RILPL1: variants seen among roughly 807,000 people sequenced by gnomAD.
RILPL1 encodes Rab interacting lysosomal protein like 1, also known as RILP-like protein 1.
In RILPL1, 33 loss-of-function variants were observed where a neutral mutation model predicts 50.3. The ratio of observed to expected loss-of-function variants is 0.66; its 90% CI spans 0.50 to 0.88. The LOEUF (loss-of-function observed/expected upper bound fraction) is 0.88. RILPL1 is among the 40% of genes least tolerant of loss of function. The probability of loss-of-function intolerance (pLI) is 0.00; values close to 1 mark genes in which losing one functional copy is unlikely to be tolerated. For missense variants in RILPL1, 418 were observed against 542.5 expected (o/e 0.77, Z 2.28); for synonymous variants, 205 against 228.6 (o/e 0.90, Z 0.93).
chr12:123,499,303 G>A (rs889389784), intron 3 of RILPL1, 115 bp downstream of exon 3: 9 of 708,722 alleles, frequency 1.3e-5, no homozygotes, highest in African/African-American at 8.8e-5. Context: ...CACACCCCAC[G>A]GAGCCCCAAG....
intron 1 of RILPL1, 135 bp from the exon 2 acceptor site, chr12:123,523,780 G>GC: frequency 2.1e-6 from 2 of 944,418 alleles, no homozygotes; most frequent in Non-Finnish European, 3.1e-6. Flanking sequence ...GGCCGGCAAG[G>GC]CCACCACGAG....
In RILPL1 at chr12:123,485,211, C is replaced by T; in HGVS notation, c.974+422G>A. On this transcript the variant is annotated intron_variant, in intron 5 of 6. Transcript: ENST00000376874. The surrounding 1 kb of genome is among the most constrained non-coding windows in gnomAD (Gnocchi z 4.0). ...CTTCTGGTCTCATGTTGCTTGTGGT[C>T]TCATGTGGAAACCTACAATAAAGCA... 2.2e-6 allele frequency: 1 copy of T among 457,540 alleles called. No homozygotes were observed. Among genetic ancestry groups the T allele is most frequent in the Non-Finnish European group, 4.4e-6 (1 of 228,038 alleles). 28.3% of individuals were successfully genotyped at this position (457,540 alleles called of 1,614,324 possible). A position where few individuals can be genotyped will look rare whatever the true frequency, so the allele number is the denominator to read the frequency against.
chr12:123,507,564 CA>C (rs34340975), intron 2 of RILPL1, among the ~76,000 whole-genome samples: 25,123 of 134,424 alleles, frequency 0.19, 2,208 homozygotes, highest in Middle Eastern at 0.26. Flanking sequence ...GATACTGTCT[CA>C]AAAAAAAAAA....
chr12:123,503,862 A>G lies in RILPL1; in HGVS notation c.461-4326T>C, dbSNP rs374169867. Among the ~76,000 whole-genome samples, 251 of 151,594 alleles carry G rather than the reference A, an allele frequency of 1.7e-3. 1 individual carries two copies. The highest frequency in any genetic ancestry group is 5.5e-3 in the African/African-American group (229 of 41,410). Reference sequence around the variant, plus strand: ...TAAAAATACAAAAAATTAGCCAGGCATGGTGGTGCACGCCTGTAATCCCAG... The same window carrying G: ...TAAAAATACAAAAAATTAGCCAGGCGTGGTGGTGCACGCCTGTAATCCCAG... On this transcript the variant is annotated intron_variant, in intron 2 of 6. Coordinates refer to ENST00000376874, the MANE Select transcript of RILPL1 (RefSeq NM_178314.5).
At position 123,521,728 on chromosome 12, in the gene RILPL1, T is replaced by C. The variant is rs1375703005; in HGVS notation, c.460+1767A>G. ...ATATATAAATATATATATACACACA[T>C]ATATGTATATATATAAAAATATATA... On this transcript the variant is annotated intron_variant, in intron 2 of 6. Transcript: ENST00000376874. Among the ~76,000 whole-genome samples the C allele has an allele frequency of 7.5e-5, 10 of 132,972 alleles. 1 individual carries two copies. Among genetic ancestry groups the C allele is most frequent in the East Asian group, 2.2e-4 (1 of 4,632 alleles). The allele number at this position is 132,972 out of a possible 152,430, so 87.2% of individuals were successfully genotyped here. A position where few individuals can be genotyped will look rare whatever the true frequency, so the allele number is the denominator to read the frequency against.
At chr12:123,531,154 A>C (rs1885432081) in intron 1 of RILPL1, among the ~76,000 whole-genome samples, 1 of 151,652 alleles carries the variant, frequency 6.6e-6, no homozygotes, top group African/African-American at 2.4e-5. Context: ...TCTCCATCCC[A>C]AGAATGTGAA....
intron 1 of RILPL1, among the ~76,000 whole-genome samples, chr12:123,525,983 A>G (rs1307381043): frequency 1.3e-5 from 2 of 152,186 alleles, no homozygotes; most frequent in East Asian, 3.9e-4. Flanking sequence ...GCTAGCTCAC[A>G]AAGCAGGGTT....
chr12:123,524,147 C>T (rs1426926549), intron 1 of RILPL1, among the ~76,000 whole-genome samples: 1 of 152,246 alleles, frequency 6.6e-6, no homozygotes, highest in Non-Finnish European at 1.5e-5. Context: ...TCTTCAACCA[C>T]TGACTCGATC....
intron 1 of RILPL1, among the ~76,000 whole-genome samples, chr12:123,532,531 G>A (rs1885469127): frequency 6.6e-6 from 1 of 152,166 alleles, no homozygotes; most frequent in Non-Finnish European, 1.5e-5. Context: ...AATGAAGATA[G>A]TCTCTATAGA....
intron 2 of RILPL1, chr12:123,515,444 T>G (rs1051248268): frequency 2.1e-5 from 3 of 145,738 alleles, no homozygotes; most frequent in African/African-American, 7.5e-5. Flanking sequence ...TACTACAGTG[T>G]TTTTTTTTTG....
intron 1 of RILPL1, among the ~76,000 whole-genome samples, chr12:123,528,358 CAA>C (rs35456386): frequency 2.3e-5 from 3 of 130,312 alleles, no homozygotes; most frequent in African/African-American, 2.9e-5. Flanking sequence ...GATGCTGTCT[CAA>C]AAAAAAAAAA....
intron 2 of RILPL1, among the ~76,000 whole-genome samples, chr12:123,511,806 G>A (rs1269532676): frequency 7.5e-6 from 1 of 132,638 alleles, no homozygotes; most frequent in Non-Finnish European, 1.6e-5. Context: ...TGTGTGTGGT[G>A]TGTGAGGTCT....
At chr12:123,530,945 T>C (rs752609654) in intron 1 of RILPL1, among the ~76,000 whole-genome samples, 2 of 151,736 alleles carry the variant, frequency 1.3e-5, no homozygotes, top group African/African-American at 2.4e-5. Flanking sequence ...GGGAAGAAAG[T>C]GTATGTCCTT....
chr12:123,473,481 C>T (rs1473377181), intron 6 of RILPL1: 1 of 152,152 alleles, frequency 6.6e-6, no homozygotes, highest in Non-Finnish European at 1.5e-5. Context: ...CGCCACTGCA[C>T]TCCAGCCTGG....
chr12:123,523,457 T>C (rs1460959742), intron 2 of RILPL1, 38 bp downstream of exon 2: 3 of 1,612,720 alleles, frequency 1.9e-6, no homozygotes, highest in Non-Finnish European at 1.7e-6. Flanking sequence ...AGAAAAGGAA[T>C]GGCCGGCCCC....
chr12:123,486,754 C>T (rs1298586422), intron 4 of RILPL1, among the ~76,000 whole-genome samples: 1 of 151,872 alleles, frequency 6.6e-6, no homozygotes, highest in Non-Finnish European at 1.5e-5. Context: ...ATTCTTGTGC[C>T]TCAGCCTCCC....
chr12:123,490,452 C>A (rs1470207676), intron 4 of RILPL1, among the ~76,000 whole-genome samples: 1 of 152,108 alleles, frequency 6.6e-6, no homozygotes, highest in Non-Finnish European at 1.5e-5. Context: ...GTTTTAACTG[C>A]CCAAGACATT....
rs565233083 is a variant in RILPL1 at position 123,485,368 on chromosome 12, C to T, written c.974+265G>A. 2.0e-3 allele frequency: 1,100 copies of T among 538,678 alleles called. 14 individuals are homozygous for T. Among genetic ancestry groups the T allele is most frequent in the South Asian group, 0.017 (869 of 52,156 alleles). 33.4% of individuals were successfully genotyped at this position (538,678 alleles called of 1,614,324 possible). A position where few individuals can be genotyped will look rare whatever the true frequency, so the allele number is the denominator to read the frequency against. ...CTCGCTTTGTTGCCCAGGCTAGTCT[C>T]GAATGCCTGGGATCAAGCAATCTTC... On this transcript the variant is annotated intron_variant, in intron 5 of 6. Coordinates refer to ENST00000376874, the MANE Select transcript of RILPL1 (RefSeq NM_178314.5). The surrounding 1 kb of genome is among the most constrained non-coding windows in gnomAD (Gnocchi z 4.0).
In RILPL1 at chr12:123,472,328, G is replaced by A. The variant is rs112742410; in HGVS notation, c.*210C>T. 2.6e-3 allele frequency: 1,425 copies of A among 555,374 alleles called. 9 individuals carry two copies. Among genetic ancestry groups the A allele is most frequent in the African/African-American group, 0.015 (786 of 53,486 alleles). 34.4% of individuals were successfully genotyped at this position (555,374 alleles called of 1,614,324 possible). On this transcript the variant is annotated 3_prime_UTR_variant, in exon 7 of 7. Transcript: ENST00000376874. ...GGATCAGAGTCATCTATTAGAAACA[G>A]TGATAGCCCTGGGTATAAATAAACA...
Sources: allele counts gnomAD v4.1 joint callset (sites outside exome capture counted in the v4.1 genomes callset), GRCh38; gene constraint gnomAD v4.1.1; non-coding constraint Gnocchi (gnomAD v3.1); transcripts MANE v1.5; gene names NCBI Gene and HGNC (gene_info 2026-07-23, HGNC 2026-07-21).